VEPH1: variants seen among roughly 807,000 people sequenced by gnomAD.
The protein encoded by VEPH1 is ventricular zone expressed PH domain containing 1, also known as ventricular zone-expressed PH domain-containing protein homolog 1.
A neutral mutation model predicts 85.2 loss-of-function variants in VEPH1; 80 were observed. That is an observed-to-expected ratio of 0.94 (90% CI 0.78 to 1.13). The LOEUF (loss-of-function observed/expected upper bound fraction) is 1.13, where lower values mean the gene tolerates loss of function less well. Among genes scored for constraint, VEPH1 ranks in the 50% most tolerant of loss-of-function variants. The probability of loss-of-function intolerance (pLI) is 0.00; values close to 1 mark genes in which losing one functional copy is unlikely to be tolerated. For synonymous variants in VEPH1, 297 were observed against 348.0 expected (o/e 0.85, Z 1.63); for missense variants, 955 against 980.5 (o/e 0.97, Z 0.35).
At chr3:157,360,291 T>A (rs919977905) in intron 9 of VEPH1, among the ~76,000 whole-genome samples, 1 of 152,150 alleles carries the variant, frequency 6.6e-6, no homozygotes, top group Non-Finnish European at 1.5e-5. Flanking sequence ...AAATTTTTGA[T>A]CCTTCACACA....
intron 9 of VEPH1, among the ~76,000 whole-genome samples, chr3:157,348,011 TG>T (rs920950026): frequency 3.3e-5 from 5 of 152,176 alleles, no homozygotes; most frequent in African/African-American, 1.2e-4. Flanking sequence ...TGTCCCACAC[TG>T]GGGGTCCATC....
At chr3:157,418,747 G>T (rs1732109290) in intron 5 of VEPH1, among the ~76,000 whole-genome samples, 1 of 152,082 alleles carries the variant, frequency 6.6e-6, no homozygotes, top group South Asian at 2.1e-4. Flanking sequence ...TTGTGAAAAT[G>T]GCCATACTGC....
intron 2 of VEPH1, among the ~76,000 whole-genome samples, chr3:157,490,418 AAAAAG>A (rs1739122466): frequency 6.6e-6 from 1 of 151,986 alleles, no homozygotes. Context: ...CTACAAAAGA[AAAAAG>A]AAAAAAAAAA....
intron 9 of VEPH1, among the ~76,000 whole-genome samples, chr3:157,318,108 A>G (rs1287138502): frequency 6.6e-6 from 1 of 152,196 alleles, no homozygotes; most frequent in Non-Finnish European, 1.5e-5. Flanking sequence ...TGAATGATGA[A>G]TGATGCTCAG....
At chr3:157,436,884 TGA>T (rs756878566) in intron 4 of VEPH1, 28 of 1,595,260 alleles carry the variant, frequency 1.8e-5, no homozygotes, top group Non-Finnish European at 2.3e-5. Context: ...TCAGCTCACT[TGA>T]GAGTCTCCTC....
At chr3:157,403,200 T>C (rs1437208665) in intron 6 of VEPH1, among the ~76,000 whole-genome samples, 3 of 152,074 alleles carry the variant, frequency 2.0e-5, no homozygotes, top group African/African-American at 7.2e-5. Flanking sequence ...TCAAATCCTA[T>C]AGGGAGTTCT....
chr3:157,266,953 C>A (rs1713729487), intron 12 of VEPH1, among the ~76,000 whole-genome samples: 1 of 152,162 alleles, frequency 6.6e-6, no homozygotes. Flanking sequence ...CCTATGAACA[C>A]AACCTGCCTT....
At chr3:157,436,834 T>C in intron 4 of VEPH1, 1 of 1,268,534 alleles carries the variant, frequency 7.9e-7, no homozygotes, top group Non-Finnish European at 1.1e-6. Flanking sequence ...TTAAGGACTC[T>C]CTGCTCCAGC....
chr3:157,485,750 T>C (rs1303664767), intron 2 of VEPH1, among the ~76,000 whole-genome samples: 3 of 152,014 alleles, frequency 2.0e-5, no homozygotes, highest in Admixed American at 1.3e-4. Flanking sequence ...AATCTACTTA[T>C]ATAACATTTA....
At chr3:157,368,585 G>T (rs1727012773) in intron 7 of VEPH1, among the ~76,000 whole-genome samples, 1 of 151,926 alleles carries the variant, frequency 6.6e-6, no homozygotes, top group African/African-American at 2.4e-5. Flanking sequence ...TCTGCTTCGC[G>T]GGTTCATGCC....
At chr3:157,443,485 T>C (rs1371049500) in intron 4 of VEPH1, 1 of 153,156 alleles carries the variant, frequency 6.5e-6, no homozygotes, top group African/African-American at 2.4e-5. Flanking sequence ...GAATGTCACG[T>C]TTTTGAGAAG....
rs537365581 is a variant in VEPH1 at position 157,389,845 on chromosome 3, T to A, written c.907-8469A>T. ...CAGAGAGATGCAAGATCAGCTTTAC[T>A]GAGGTCAGCTGAAATTTTATTTGAT... On this transcript the variant is annotated intron_variant, in intron 6 of 13. Transcript: ENST00000362010. Among the ~76,000 whole-genome samples the A allele has an allele frequency of 4.6e-5, 7 of 152,292 alleles. No individual in the cohort carries two copies. In the East Asian group the frequency reaches 1.3e-3, roughly 29 times the overall value.
intron 11 of VEPH1, among the ~76,000 whole-genome samples, chr3:157,300,298 A>G (rs990872824): frequency 1.3e-5 from 2 of 152,214 alleles, no homozygotes; most frequent in African/African-American, 2.4e-5. Context: ...TCCCCCAGGA[A>G]TAGAGTTATT....
intron 9 of VEPH1, among the ~76,000 whole-genome samples, chr3:157,361,605 A>G (rs1004874783): frequency 7.2e-5 from 11 of 152,220 alleles, no homozygotes; most frequent in South Asian, 4.1e-4. Context: ...TGCTAGAACC[A>G]TCACATAGAT....
intron 11 of VEPH1, among the ~76,000 whole-genome samples, chr3:157,288,878 C>T (rs1471909285): frequency 6.6e-6 from 1 of 152,214 alleles, no homozygotes; most frequent in Non-Finnish European, 1.5e-5. Context: ...GACATGGTGA[C>T]TGCAACATTT....
At chr3:157,446,993 A>C (rs1487670098) in intron 4 of VEPH1, among the ~76,000 whole-genome samples, 2 of 152,222 alleles carry the variant, frequency 1.3e-5, no homozygotes, top group African/African-American at 4.8e-5. Context: ...TAAGCAGATA[A>C]TTTTCAAAAA....
chr3:157,473,308 G>T (rs750719468), intron 2 of VEPH1, among the ~76,000 whole-genome samples: 1 of 151,926 alleles, frequency 6.6e-6, no homozygotes, highest in Non-Finnish European at 1.5e-5. Context: ...CCCTGACCTC[G>T]TGATCTGCCT....
intron 9 of VEPH1, among the ~76,000 whole-genome samples, chr3:157,338,184 A>G (rs1303113532): frequency 2.0e-5 from 3 of 152,218 alleles, no homozygotes; most frequent in African/African-American, 7.2e-5. Context: ...ATTTAGGAGT[A>G]AATGTACTAA....
At chr3:157,479,468 A>T (rs941487158) in intron 2 of VEPH1, among the ~76,000 whole-genome samples, 11 of 152,162 alleles carry the variant, frequency 7.2e-5, no homozygotes, top group African/African-American at 2.7e-4. Context: ...TGTCACTCTT[A>T]CCTACTCTGA....
Sources: gnomAD v4.1 joint callset for allele counts (sites outside exome capture counted in the v4.1 genomes callset) on GRCh38, gnomAD v4.1.1 for gene constraint, MANE v1.5 for transcripts, NCBI Gene and HGNC (gene_info 2026-07-23, HGNC 2026-07-21) for gene names.